ROCK1: variants seen among roughly 807,000 people sequenced by gnomAD.
ROCK1 encodes the protein rho-associated protein kinase 1.
A neutral mutation model predicts 196.8 loss-of-function variants in ROCK1; 36 were observed. That is an observed-to-expected ratio of 0.18 (90% confidence interval 0.14 to 0.24). The LOEUF (loss-of-function observed/expected upper bound fraction) is 0.24. ROCK1 is among the 10% of genes least tolerant of loss of function. ROCK1 has a pLI of 1.00. For missense variants in ROCK1, 920 were observed against 1,562.0 expected, an observed-to-expected ratio of 0.59 and a Z score of 6.93; for synonymous variants, 443 against 515.9, an observed-to-expected ratio of 0.86 and a Z score of 1.91.
intron 2 of ROCK1, among the ~76,000 whole-genome samples, chr18:21,054,528 G>A (rs781610251): frequency 9.2e-5 from 14 of 151,858 alleles, no homozygotes; most frequent in Non-Finnish European, 1.8e-4. Context: ...GAAAGTGGGA[G>A]ATCCCCCACA....
intron 3 of ROCK1, 24 bp from the exon 4 acceptor site, chr18:21,049,253 A>T: frequency 6.6e-7 from 1 of 1,508,786 alleles, no homozygotes. Flanking sequence ...AAGGGAAAAT[A>T]ATGAACCTTT....
chr18:21,049,296 C>A, intron 3 of ROCK1, 67 bp from the exon 4 acceptor site: 1 of 1,224,160 alleles, frequency 8.2e-7, no homozygotes, highest in South Asian at 2.0e-5. Flanking sequence ...TTTCACAGAA[C>A]AATTTACTAA....
chr18:20,978,908 G>GT (rs2035504823), intron 22 of ROCK1, among the ~76,000 whole-genome samples: 1 of 152,190 alleles, frequency 6.6e-6, no homozygotes. Flanking sequence ...GCTGTTTTCT[G>GT]TAATTGTTTG....
At chr18:21,063,046 A>G (rs992870881) in intron 2 of ROCK1, among the ~76,000 whole-genome samples, 5 of 152,164 alleles carry the variant, frequency 3.3e-5, no homozygotes, top group Non-Finnish European at 7.4e-5. Context: ...GTAATTTATA[A>G]AAGAAAAAAG....
chr18:20,966,372 T>C (rs1167489034), intron 27 of ROCK1, among the ~76,000 whole-genome samples: 1 of 152,212 alleles, frequency 6.6e-6, no homozygotes, highest in East Asian at 1.9e-4. Flanking sequence ...CATTCCTGCC[T>C]TTATTTGACA....
intron 14 of ROCK1, among the ~76,000 whole-genome samples, chr18:21,007,290 A>C (rs2035776608): frequency 6.6e-6 from 1 of 152,186 alleles, no homozygotes. Context: ...CTCTTGTTTT[A>C]AACACAAGCA....
At chr18:20,996,767 G>GC (rs2035674365) in intron 16 of ROCK1, among the ~76,000 whole-genome samples, 1 of 152,146 alleles carries the variant, frequency 6.6e-6, no homozygotes, top group African/African-American at 2.4e-5. Context: ...ATAAATAGAA[G>GC]CAACGAAAAG....
intron 13 of ROCK1, among the ~76,000 whole-genome samples, chr18:21,010,697 A>T (rs1443773098): frequency 6.6e-6 from 1 of 152,196 alleles, no homozygotes; most frequent in African/African-American, 2.4e-5. Flanking sequence ...TGTTAAGCAG[A>T]GGGTTCTGTA....
chr18:20,980,777 G>C (rs1219304060), intron 21 of ROCK1, among the ~76,000 whole-genome samples: 1 of 151,672 alleles, frequency 6.6e-6, no homozygotes, highest in East Asian at 2.0e-4. Context: ...TTAGCTGGGC[G>C]TGGTGGCATG....
chr18:20,990,693 C>CAAAAAAAAAAAAAAAAAA (rs1170099682), intron 18 of ROCK1, among the ~76,000 whole-genome samples: 1 of 22,584 alleles, frequency 4.4e-5, no homozygotes, highest in African/African-American at 1.1e-4. Context: ...AACTTCGTCT[C>CAAAAAAAAAAAAAAAAAA]AAAAAAAAAA....
chr18:21,079,331 C>A (rs1432785233), intron 1 of ROCK1, among the ~76,000 whole-genome samples: 1 of 152,106 alleles, frequency 6.6e-6, no homozygotes, highest in African/African-American at 2.4e-5. Flanking sequence ...CTGCTGCCTG[C>A]GGAACTGTCT....
intron 31 of ROCK1, among the ~76,000 whole-genome samples, chr18:20,954,090 T>TA (rs2035217369): frequency 6.9e-6 from 1 of 145,622 alleles, no homozygotes; most frequent in Admixed American, 6.9e-5. Flanking sequence ...GCTACCTCTG[T>TA]AAAACTAGAA....
At position 21,019,666 on chromosome 18, in the gene ROCK1, C is replaced by T. The variant is rs187713008; in HGVS notation, c.1361+485G>A. ...AAAAAAAATTAGCCAGGTGTGGTGG[C>T]GGGCGCCTGTAGGCCCAGCTACTCG... On this transcript the variant is annotated intron_variant, in intron 12 of 32. Coordinates refer to ENST00000399799, the MANE Select transcript of ROCK1 (RefSeq NM_005406.3). Among the ~76,000 whole-genome samples, 25 of 151,624 alleles carry T rather than the reference C, an allele frequency of 1.6e-4. No homozygotes were observed. In the Middle Eastern group the frequency reaches 0.01, roughly 62 times the overall value.
At chr18:21,079,624 C>T (rs2036465610) in intron 1 of ROCK1, among the ~76,000 whole-genome samples, 1 of 152,124 alleles carries the variant, frequency 6.6e-6, no homozygotes, top group African/African-American at 2.4e-5. Context: ...GGAGTGGAAC[C>T]GGAAGGGTTG....
At chr18:21,015,387 G>A in intron 13 of ROCK1, 44 bp downstream of exon 13, 1 of 1,279,002 alleles carries the variant, frequency 7.8e-7, no homozygotes, top group Non-Finnish European at 1.1e-6. Flanking sequence ...TTTGAAAGAG[G>A]GAAAAATCTC....
Position 20,982,920 on chromosome 18 carries a change from A to G in ROCK1, c.2490-88T>C, listed in dbSNP as rs115758909. The G allele has an allele frequency of 8.9e-5, 56 of 627,224 alleles. No homozygotes were observed. In the African/African-American group the frequency reaches 1.0e-3, roughly 11 times the overall value. The allele number at this position is 627,224 out of a possible 1,614,324, so 38.9% of individuals were successfully genotyped here. On this transcript the variant is annotated intron_variant, in intron 20 of 32. Transcript: ENST00000399799. ...TTAGTTTGTTAAAGTTGCTAATATAAAAAAGTTTACTAAAACAATCTTTAT... is the reference window on the plus strand; with the variant it reads ...TTAGTTTGTTAAAGTTGCTAATATAGAAAAGTTTACTAAAACAATCTTTAT...
At chr18:20,997,459 A>G (rs1290913683) in intron 16 of ROCK1, among the ~76,000 whole-genome samples, 1 of 152,236 alleles carries the variant, frequency 6.6e-6, no homozygotes, top group African/African-American at 2.4e-5. Context: ...AATTGTAAAT[A>G]CAGATGCACC....
intron 1 of ROCK1, among the ~76,000 whole-genome samples, chr18:21,083,759 T>C (rs951026480): frequency 6.6e-6 from 1 of 152,202 alleles, no homozygotes; most frequent in Non-Finnish European, 1.5e-5. Context: ...ACATACAAAA[T>C]ACGTGTTGTT....
intron 1 of ROCK1, among the ~76,000 whole-genome samples, chr18:21,070,849 T>G (rs1020741981): frequency 2.0e-5 from 3 of 152,202 alleles, no homozygotes; most frequent in Non-Finnish European, 4.4e-5. Flanking sequence ...TACCACAGAT[T>G]GGCTGCAAGT....
Sources: allele counts gnomAD v4.1 joint callset (sites outside exome capture counted in the v4.1 genomes callset), GRCh38; gene constraint gnomAD v4.1.1; transcripts MANE v1.5; gene names NCBI Gene and HGNC (gene_info 2026-07-23, HGNC 2026-07-21).